Variants in MLIP observed in about 807,000 individuals in gnomAD.
MLIP encodes muscular LMNA interacting protein.
A neutral mutation model predicts 84.8 loss-of-function variants in MLIP; 79 were observed. The ratio of observed to expected loss-of-function variants is 0.93; its 90% confidence interval spans 0.78 to 1.12. MLIP has a LOEUF of 1.12. Among genes scored for constraint, MLIP ranks in the 50% most tolerant of loss-of-function variants. The pLI, the probability that MLIP is intolerant of heterozygous loss-of-function variation, is 0.00. For synonymous variants in MLIP, 504 were observed against 463.0 expected, an observed-to-expected ratio of 1.09 and a Z score of -1.14; for missense variants, 1,257 against 1,160.6, an observed-to-expected ratio of 1.08 and a Z score of -1.21.
In MLIP at chr6:54,252,072, TA is replaced by T. The variant is rs1390256123; in HGVS notation, c.2923-5235del. ...TAATATAAATATATATATTATAACATATAATATATAATATAAATATATATTA... is the reference window on the plus strand; with the variant it reads ...TAATATAAATATATATATTATAACATTAATATATAATATAAATATATATTA... On this transcript the variant is annotated intron_variant, in intron 12 of 13. Coordinates refer to ENST00000502396, the MANE Select transcript of MLIP (RefSeq NM_001281747.2). Among the ~76,000 whole-genome samples the T allele has an allele frequency of 3.8e-4, 37 of 96,992 alleles. 1 individual carries two copies. In the South Asian group the frequency reaches 0.012, roughly 32 times the overall value. The allele number at this position is 96,992 out of a possible 152,430, so 63.6% of individuals were successfully genotyped here. A position where few individuals can be genotyped will look rare whatever the true frequency, so the allele number is the denominator to read the frequency against.
intron 11 of MLIP, among the ~76,000 whole-genome samples, chr6:54,202,974 G>T (rs965887558): frequency 5.9e-5 from 9 of 152,192 alleles, no homozygotes; most frequent in Non-Finnish European, 1.3e-4. Flanking sequence ...GTTGACAAAA[G>T]TCCTGTTTAG....
At chr6:54,228,129 G>C (rs1298101836) in intron 11 of MLIP, among the ~76,000 whole-genome samples, 5 of 97,844 alleles carry the variant, frequency 5.1e-5, no homozygotes. Context: ...CTTGCAGTGA[G>C]CCGAGATTGC....
chr6:54,121,916 C>A (rs1770490839), intron 2 of MLIP, among the ~76,000 whole-genome samples: 1 of 152,012 alleles, frequency 6.6e-6, no homozygotes, highest in South Asian at 2.1e-4. Flanking sequence ...TTAAATTTAT[C>A]TCAAAAGAAA....
At chr6:54,094,304 C>A (rs921460683) in intron 1 of MLIP, among the ~76,000 whole-genome samples, 1 of 151,390 alleles carries the variant, frequency 6.6e-6, no homozygotes, top group Non-Finnish European at 1.5e-5. Flanking sequence ...TGAAGCTCTA[C>A]ATATTGAGGC....
At chr6:54,199,508 C>T (rs144422804) in intron 10 of MLIP, among the ~76,000 whole-genome samples, 166 of 152,092 alleles carry the variant, frequency 1.1e-3, no homozygotes, top group Non-Finnish European at 2.0e-3. Context: ...ATTTTGAAGC[C>T]GGTTTTGAAG....
chr6:54,069,979 G>T (rs138639940), intron 1 of MLIP, among the ~76,000 whole-genome samples: 459 of 45,682 alleles, frequency 0.01, 176 homozygotes, highest in Non-Finnish European at 0.022. Context: ...ATTCCTTTTG[G>T]CTCACTTAAC....
chr6:54,156,150 A>G lies in MLIP; in HGVS notation c.2290-4217A>G, dbSNP rs570586375. Among the ~76,000 whole-genome samples the G allele has an allele frequency of 6.6e-5, 10 of 152,236 alleles. No individual in the cohort carries two copies. In the South Asian group the frequency reaches 1.9e-3, roughly 28 times the overall value. On this transcript the variant is annotated intron_variant, in intron 5 of 13. Coordinates refer to ENST00000502396, the MANE Select transcript of MLIP (RefSeq NM_001281747.2). ...TTAAGAGAAAATTTTGGACGATAGA[A>G]AAAGAAGCTACTTTTTATGGTTGCT...
Position 54,050,657 on chromosome 6 carries a change from A to T in MLIP, c.63+31566A>T, listed in dbSNP as rs545050380. 2.4e-4 allele frequency among the ~76,000 whole-genome samples: 37 copies of T among 152,272 alleles called. 1 individual carries two copies. In the South Asian group the frequency reaches 6.6e-3, roughly 27 times the overall value. On this transcript the variant is annotated intron_variant, in intron 1 of 12. Transcript: ENST00000274897. ...ATTGCATATCTTTATAGCTAAATTC[A>T]ACGTTTTTAATGATGAAACATAAAA...
chr6:54,158,447 C>T (rs868095133), intron 5 of MLIP, among the ~76,000 whole-genome samples: 2 of 151,946 alleles, frequency 1.3e-5, no homozygotes, highest in Non-Finnish European at 1.5e-5. Context: ...TTTTTGGTAA[C>T]CTCTTTTGTA....
chr6:54,157,126 C>T (rs1055851143), intron 5 of MLIP, among the ~76,000 whole-genome samples: 1 of 152,040 alleles, frequency 6.6e-6, no homozygotes, highest in African/African-American at 2.4e-5. Context: ...GAGTGAGGAG[C>T]ATATGAAAGG....
intron 12 of MLIP, among the ~76,000 whole-genome samples, chr6:54,251,523 AAC>A (rs1159264710): frequency 3.5e-5 from 4 of 115,484 alleles, no homozygotes; most frequent in Non-Finnish European, 6.5e-5. Context: ...TATAGGTACA[AAC>A]ACAGTATATA....
intron 13 of MLIP, among the ~76,000 whole-genome samples, chr6:54,265,601 G>A (rs966517709): frequency 6.6e-6 from 1 of 152,086 alleles, no homozygotes; most frequent in Non-Finnish European, 1.5e-5. Flanking sequence ...TAAGTCATCA[G>A]CCAAGTCATG....
intron 1 of MLIP, chr6:54,063,204 GA>G (rs5876352): frequency 0.17 from 21,395 of 124,670 alleles, 2,462 homozygotes; most frequent in African/African-American, 0.34. Context: ...CTCTGTCTCA[GA>G]AAAAAAAAAA....
intron 8 of MLIP, among the ~76,000 whole-genome samples, chr6:54,168,853 CTTTTTTT>C (rs3996971): frequency 0.19 from 22,515 of 119,008 alleles, 1,875 homozygotes; most frequent in Admixed American, 0.26. Context: ...GGGTTGAGGT[CTTTTTTT>C]TTTTTTTTTT....
At chr6:54,098,716 A>G (rs1768411495) in intron 1 of MLIP, among the ~76,000 whole-genome samples, 2 of 152,168 alleles carry the variant, frequency 1.3e-5, no homozygotes, top group South Asian at 4.1e-4. Flanking sequence ...CGAGCTGTTT[A>G]AAACTTGTAA....
At chr6:54,109,616 G>A (rs760925400), upstream of MLIP, among the ~76,000 whole-genome samples, 30 of 151,756 alleles carry the variant, frequency 2.0e-4, no homozygotes, top group Admixed American at 1.6e-3. Context: ...CCCTTTCCCC[G>A]TTCTTCTAAG....
At chr6:54,153,268 A>G (rs1264624199) in intron 5 of MLIP, among the ~76,000 whole-genome samples, 16 of 152,172 alleles carry the variant, frequency 1.1e-4, no homozygotes, top group Non-Finnish European at 2.4e-4. Flanking sequence ...ATAAAAAGAA[A>G]AAGGCAAAAT....
intron 12 of MLIP, among the ~76,000 whole-genome samples, chr6:54,239,004 T>G (rs993954098): frequency 3.3e-5 from 5 of 152,174 alleles, no homozygotes; most frequent in Non-Finnish European, 5.9e-5. Context: ...CTATGGATTC[T>G]CCCCTTTCTT....
chr6:54,106,967 T>C (rs1769062122), upstream of MLIP, among the ~76,000 whole-genome samples: 1 of 152,136 alleles, frequency 6.6e-6, no homozygotes, highest in South Asian at 2.1e-4. Flanking sequence ...CAGAGGAGTG[T>C]CCAGGGGATA....
Sources: gnomAD v4.1 joint callset for allele counts (sites outside exome capture counted in the v4.1 genomes callset) on GRCh38, gnomAD v4.1.1 for gene constraint, MANE v1.5 for transcripts, NCBI Gene and HGNC (gene_info 2026-07-23, HGNC 2026-07-21) for gene names.